Variants in LRP1B observed in about 807,000 individuals in gnomAD.
LRP1B encodes LDL receptor related protein 1B.
Under a neutral mutation model 556.6 loss-of-function variants are expected in LRP1B, and 217 were observed. The ratio of observed to expected loss-of-function variants is 0.39; its 90% CI spans 0.35 to 0.44. The LOEUF is 0.44. Among genes scored for constraint, LRP1B ranks in the 20% least tolerant of loss-of-function variants. The probability of loss-of-function intolerance (pLI) is 1.00; values close to 1 mark genes in which losing one functional copy is unlikely to be tolerated. For synonymous variants in LRP1B, 2,047 were observed against 1,865.8 expected (o/e 1.10, Z -2.50); for missense variants, 5,053 against 5,620.8 (o/e 0.90, Z 3.23).
chr2:141,611,803 A>C (rs1008903861), intron 2 of LRP1B, among the ~76,000 whole-genome samples: 1 of 152,222 alleles, frequency 6.6e-6, no homozygotes, highest in Non-Finnish European at 1.5e-5. Context: ...GAATATGCTT[A>C]ATTAATGACC....
At chr2:141,950,047 G>C (rs1701065319) in intron 1 of LRP1B, among the ~76,000 whole-genome samples, 1 of 152,104 alleles carries the variant, frequency 6.6e-6, no homozygotes, top group African/African-American at 2.4e-5. Context: ...ATGCATACTT[G>C]TATGTTCGGC....
chr2:141,610,332 A>ATT (rs1188689683), intron 2 of LRP1B, among the ~76,000 whole-genome samples: 2 of 151,310 alleles, frequency 1.3e-5, no homozygotes, highest in African/African-American at 2.4e-5. Context: ...TAATAATAAT[A>ATT]ATAATAATAA....
At chr2:141,021,075 A>G (rs932795809) in intron 11 of LRP1B, among the ~76,000 whole-genome samples, 1 of 152,026 alleles carries the variant, frequency 6.6e-6, no homozygotes, top group African/African-American at 2.4e-5. Context: ...GGTAGAGTAC[A>G]TAGACTTCCT....
At chr2:141,496,343 T>A (rs1683507245) in intron 2 of LRP1B, among the ~76,000 whole-genome samples, 1 of 151,982 alleles carries the variant, frequency 6.6e-6, no homozygotes, top group Non-Finnish European at 1.5e-5. Flanking sequence ...CCGATTATGA[T>A]TCAGTAGATA....
At chr2:140,804,146 G>A (rs1378323916) in intron 32 of LRP1B, among the ~76,000 whole-genome samples, 1 of 151,870 alleles carries the variant, frequency 6.6e-6, no homozygotes, top group Admixed American at 6.6e-5. Flanking sequence ...TCCTTAAGGT[G>A]AACTATAAGA....
chr2:140,288,522 C>T (rs1341668503), intron 84 of LRP1B, among the ~76,000 whole-genome samples: 5 of 151,740 alleles, frequency 3.3e-5, no homozygotes, highest in East Asian at 3.9e-4. Flanking sequence ...TGTTAGCAGA[C>T]GCATTTAACT....
At chr2:141,191,695 C>A (rs757368028) in intron 6 of LRP1B, among the ~76,000 whole-genome samples, 4 of 143,770 alleles carry the variant, frequency 2.8e-5, no homozygotes, top group Non-Finnish European at 6.1e-5. Context: ...TTTTTTTCAA[C>A]CAGTCCATTA....
chr2:141,516,885 T>C (rs2381192), intron 2 of LRP1B, among the ~76,000 whole-genome samples: 146,259 of 150,390 alleles, frequency 0.97, 71,249 homozygotes, highest in East Asian at 1. Flanking sequence ...TTTGGAGAGA[T>C]GGAGTTTCAG....
intron 2 of LRP1B, among the ~76,000 whole-genome samples, chr2:141,585,885 C>CT (rs11459511): frequency 0.47 from 68,251 of 144,164 alleles, 15,974 homozygotes; most frequent in Non-Finnish European, 0.51. Flanking sequence ...TACAGGTGCA[C>CT]TTTTTTTTTT....
intron 18 of LRP1B, among the ~76,000 whole-genome samples, chr2:140,965,213 A>G (rs1335318987): frequency 2.0e-5 from 3 of 152,196 alleles, no homozygotes; most frequent in Non-Finnish European, 4.4e-5. Flanking sequence ...TCTAACCCCC[A>G]GGACCTGTGG....
At chr2:141,400,358 C>G (rs959292717) in intron 3 of LRP1B, among the ~76,000 whole-genome samples, 7 of 152,126 alleles carry the variant, frequency 4.6e-5, no homozygotes, top group Non-Finnish European at 5.9e-5. Context: ...GAAAAGAAAG[C>G]CTTGGAGTTA....
At chr2:141,808,148 G>C (rs1224143575) in intron 2 of LRP1B, among the ~76,000 whole-genome samples, 1 of 151,988 alleles carries the variant, frequency 6.6e-6, no homozygotes, top group African/African-American at 2.4e-5. Flanking sequence ...ACCTAGATGT[G>C]CCATGCCACC....
intron 66 of LRP1B, among the ~76,000 whole-genome samples, chr2:140,419,018 A>G (rs1313748457): frequency 2.0e-5 from 3 of 152,188 alleles, no homozygotes; most frequent in African/African-American, 7.2e-5. Flanking sequence ...AAATAAATAT[A>G]AAACACAGAC....
At chr2:141,358,714 G>A in intron 3 of LRP1B, among the ~76,000 whole-genome samples, 1 of 152,144 alleles carries the variant, frequency 6.6e-6, no homozygotes, top group Non-Finnish European at 1.5e-5. Context: ...CACTCAGGAA[G>A]TATTTCTTGA....
chr2:140,599,736 G>T (rs1682581252), intron 42 of LRP1B, among the ~76,000 whole-genome samples: 1 of 151,986 alleles, frequency 6.6e-6, no homozygotes, highest in African/African-American at 2.4e-5. Flanking sequence ...TAGATTGTAG[G>T]CTTTATAATA....
chr2:140,319,548 C>T (rs1009881078), intron 82 of LRP1B, among the ~76,000 whole-genome samples: 4 of 152,118 alleles, frequency 2.6e-5, no homozygotes, highest in African/African-American at 9.7e-5. Context: ...CACATGTTCT[C>T]ACTTATTAGT....
chr2:141,367,649 A>C (rs1172654411), intron 3 of LRP1B, among the ~76,000 whole-genome samples: 3 of 151,306 alleles, frequency 2.0e-5, no homozygotes, highest in Non-Finnish European at 2.9e-5. Flanking sequence ...TGCCCGGCTA[A>C]TTTTTTATAC....
At chr2:141,867,761 T>A (rs1055146378) in intron 1 of LRP1B, among the ~76,000 whole-genome samples, 4 of 152,186 alleles carry the variant, frequency 2.6e-5, no homozygotes, top group Non-Finnish European at 5.9e-5. Context: ...CAGAGAGGCA[T>A]GAAATGTAAC....
chr2:141,105,988 G>A (rs897104588), intron 7 of LRP1B, among the ~76,000 whole-genome samples: 1 of 152,150 alleles, frequency 6.6e-6, no homozygotes, highest in Non-Finnish European at 1.5e-5. Context: ...TCCACAGGGG[G>A]CCAAACTCTG....
Sources: gnomAD v4.1 joint callset for allele counts (sites outside exome capture counted in the v4.1 genomes callset) on GRCh38, gnomAD v4.1.1 for gene constraint, MANE v1.5 for transcripts, NCBI Gene and HGNC (gene_info 2026-07-23, HGNC 2026-07-21) for gene names.